The following HIPK2 variants were observed in gnomAD, a reference collection of about 807,000 sequenced individuals.
HIPK2 encodes homeodomain interacting protein kinase 2, also known as homeodomain-interacting protein kinase 2.
In HIPK2, 27 loss-of-function variants were observed where a neutral mutation model predicts 113.7. The observed-to-expected ratio is 0.24, with a 90% CI of 0.17 to 0.33. The LOEUF (loss-of-function observed/expected upper bound fraction) is 0.33. HIPK2 is among the 10% of genes least tolerant of loss of function. HIPK2 has a pLI of 1.00. For missense variants in HIPK2, 1,257 were observed against 1,588.0 expected (o/e 0.79, Z 3.54); for synonymous variants, 631 against 642.2 (o/e 0.98, Z 0.26).
chr7:139,650,448 A>G (rs1388948043), intron 2 of HIPK2, among the ~76,000 whole-genome samples: 1 of 150,568 alleles, frequency 6.6e-6, no homozygotes, highest in East Asian at 1.9e-4. Flanking sequence ...ACTATGACAT[A>G]TATTTTATTC....
chr7:139,767,877 T>C (rs28656273), intron 1 of HIPK2, among the ~76,000 whole-genome samples: 52,540 of 152,220 alleles, frequency 0.35, 12,151 homozygotes, highest in African/African-American at 0.65. Context: ...CTGAACCTCA[T>C]TGGGTCAAGG....
chr7:139,632,557 C>T (rs1307344027), intron 2 of HIPK2, among the ~76,000 whole-genome samples: 2 of 152,166 alleles, frequency 1.3e-5, no homozygotes, highest in Non-Finnish European at 2.9e-5. Context: ...AGGATTCCAG[C>T]GTAAACTCCA....
chr7:139,706,508 A>G (rs1360603534), intron 2 of HIPK2, among the ~76,000 whole-genome samples: 1 of 152,184 alleles, frequency 6.6e-6, no homozygotes, highest in Non-Finnish European at 1.5e-5. Flanking sequence ...CACTCATTCC[A>G]CTGATGAGCC....
chr7:139,702,287 T>C, intron 2 of HIPK2, among the ~76,000 whole-genome samples: 1 of 152,228 alleles, frequency 6.6e-6, no homozygotes, highest in Middle Eastern at 3.4e-3. Flanking sequence ...TGGAAGGACA[T>C]TTACAGGCTG....
chr7:139,654,835 C>T (rs1164988732), intron 2 of HIPK2, among the ~76,000 whole-genome samples: 1 of 152,168 alleles, frequency 6.6e-6, no homozygotes, highest in East Asian at 1.9e-4. Flanking sequence ...GGATCACCTA[C>T]CCAATATTTA....
At chr7:139,687,096 TATTC>T (rs767180994) in intron 2 of HIPK2, among the ~76,000 whole-genome samples, 2 of 152,252 alleles carry the variant, frequency 1.3e-5, no homozygotes, top group Non-Finnish European at 2.9e-5. Context: ...TGAAGTATTT[TATTC>T]ATTCATTCAT....
chr7:139,774,444 T>A (rs1206245183), intron 1 of HIPK2, among the ~76,000 whole-genome samples: 1 of 152,198 alleles, frequency 6.6e-6, no homozygotes, highest in Admixed American at 6.5e-5. Flanking sequence ...AAAGCAACAT[T>A]TATACTTACT....
intron 2 of HIPK2, among the ~76,000 whole-genome samples, chr7:139,670,002 T>C (rs1802205777): frequency 6.6e-6 from 1 of 152,216 alleles, no homozygotes; most frequent in South Asian, 2.1e-4. Flanking sequence ...CGGCACACAA[T>C]TAACCTGTTA....
At chr7:139,647,596 ATATC>A (rs1341496051) in intron 2 of HIPK2, among the ~76,000 whole-genome samples, 5 of 152,196 alleles carry the variant, frequency 3.3e-5, no homozygotes, top group African/African-American at 1.2e-4. Flanking sequence ...TCATCTATCT[ATATC>A]TATCTATCTA....
chr7:139,661,994 G>T (rs11972338), intron 2 of HIPK2, among the ~76,000 whole-genome samples: 1 of 151,974 alleles, frequency 6.6e-6, no homozygotes, highest in African/African-American at 2.4e-5. Context: ...CACTTGCTAA[G>T]ACTACATTAT....
In HIPK2 at chr7:139,572,993, T is replaced by C. The variant is rs769371888; in HGVS notation, c.3531A>G (p.Pro1177=). Residue 1177 remains proline, a synonymous_variant, in exon 15 of 15, where the codon CCA becomes CCG. Coordinates refer to ENST00000406875, the MANE Select transcript of HIPK2 (RefSeq NM_022740.5). ...FAHQTYISAS[P]ASTVYTGYPL... is the part of the protein sequence containing the mutation. Reference sequence around the variant, plus strand: ...GGTATCCAGTGTAGACGGTGGAGGCTGGCGAGGCGCTGATGTAGGTCTGGT... The same window carrying C: ...GGTATCCAGTGTAGACGGTGGAGGCCGGCGAGGCGCTGATGTAGGTCTGGT... 1 of 1,467,348 alleles carries C rather than the reference T, an allele frequency of 6.8e-7. No homozygotes were observed. 90.9% of individuals were successfully genotyped at this position (1,467,348 alleles called of 1,614,324 possible). A position where few individuals can be genotyped will look rare whatever the true frequency, so the allele number is the denominator to read the frequency against.
intron 5 of HIPK2, among the ~76,000 whole-genome samples, chr7:139,627,298 C>CTATGTATGTATGTATGTATGTATG (rs34240424): frequency 6.7e-6 from 1 of 148,446 alleles, no homozygotes; most frequent in African/African-American, 2.5e-5. Context: ...ACAAAAAAGT[C>CTATGTATGTATGTATGTATGTATG]TATGTATGTA....
chr7:139,698,578 G>A (rs1370684561), intron 2 of HIPK2, among the ~76,000 whole-genome samples: 6 of 152,214 alleles, frequency 3.9e-5, no homozygotes, highest in African/African-American at 1.2e-4. Context: ...TCGTACCAGC[G>A]ATGTAAGAGC....
intron 2 of HIPK2, among the ~76,000 whole-genome samples, chr7:139,699,152 T>C (rs1762868074): frequency 6.6e-6 from 1 of 151,966 alleles, no homozygotes; most frequent in Non-Finnish European, 1.5e-5. Context: ...GAGACAGAGA[T>C]ACTGGAGAGT....
intron 6 of HIPK2, among the ~76,000 whole-genome samples, chr7:139,626,368 G>T (rs746395961): frequency 2.6e-5 from 4 of 152,010 alleles, no homozygotes; most frequent in Non-Finnish European, 4.4e-5. Context: ...CTCCCAAAGT[G>T]CTAGGATTAC....
At chr7:139,609,319 C>T (rs1173158507) in intron 9 of HIPK2, among the ~76,000 whole-genome samples, 1 of 152,168 alleles carries the variant, frequency 6.6e-6, no homozygotes, top group Non-Finnish European at 1.5e-5. Flanking sequence ...CCATTTCCAC[C>T]TGCCATGCAC....
chr7:139,705,599 G>C (rs1794868011), intron 2 of HIPK2, among the ~76,000 whole-genome samples: 1 of 151,992 alleles, frequency 6.6e-6, no homozygotes, highest in South Asian at 2.1e-4. Flanking sequence ...GGATGGTCTG[G>C]ATCTCCTGAC....
intron 1 of HIPK2, among the ~76,000 whole-genome samples, chr7:139,722,456 A>G (rs926059570): frequency 3.3e-5 from 5 of 152,196 alleles, no homozygotes; most frequent in South Asian, 2.1e-4. Flanking sequence ...TGCATTTATA[A>G]AAAGCATGTA....
chr7:139,639,433 C>T (rs1483481706), intron 2 of HIPK2, among the ~76,000 whole-genome samples: 2 of 152,150 alleles, frequency 1.3e-5, no homozygotes, highest in East Asian at 3.9e-4. Context: ...TCCTCTGTGC[C>T]AGGTACTGTG....
Sources: gnomAD v4.1 joint callset for allele counts (sites outside exome capture counted in the v4.1 genomes callset) on GRCh38, gnomAD v4.1.1 for gene constraint, MANE v1.5 for transcripts, NCBI Gene and HGNC (gene_info 2026-07-23, HGNC 2026-07-21) for gene names.